PIK3R5: variants seen among roughly 807,000 people sequenced by gnomAD.
The protein encoded by PIK3R5 is phosphoinositide 3-kinase regulatory subunit 5.
In PIK3R5, 32 loss-of-function variants were observed where a neutral mutation model predicts 94.9. That is an observed-to-expected ratio of 0.34 (90% CI 0.25 to 0.45). PIK3R5 has a LOEUF of 0.45. PIK3R5 is among the 20% of genes least tolerant of loss of function. The pLI is 1.00. For synonymous variants in PIK3R5, 443 were observed against 479.4 expected (o/e 0.92, Z 0.99); for missense variants, 853 against 1,144.6 (o/e 0.75, Z 3.68).
chr17:8,910,012 C>T (rs1188791136), intron 2 of PIK3R5, among the ~76,000 whole-genome samples: 1 of 152,222 alleles, frequency 6.6e-6, no homozygotes, highest in Non-Finnish European at 1.5e-5. Flanking sequence ...TAAAAGCTGC[C>T]ATGAGCACTT....
chr17:8,893,803 C>T lies in PIK3R5; in HGVS notation c.413-148G>A, dbSNP rs2090084203. The T allele has an allele frequency of 1.6e-6, 1 of 624,198 alleles. No homozygotes were observed. Among genetic ancestry groups the T allele is most frequent in the African/African-American group, 1.8e-5 (1 of 54,958 alleles). The allele number at this position is 624,198 out of a possible 1,614,324, so 38.7% of individuals were successfully genotyped here. On this transcript the variant is annotated intron_variant, in intron 5 of 18. Coordinates refer to ENST00000447110, the MANE Select transcript of PIK3R5 (RefSeq NM_001142633.3). This position sits in a 1 kb window ranked among gnomAD's most constrained non-coding sequence, Gnocchi z 5.1. ...CCTGCAGAGAAGCTGTTCTGTGGAC[C>T]CTCCAGGGTGCCTAGCAGTTTGCTT... is the stretch of plus-strand genomic sequence containing the variant.
intron 1 of PIK3R5, among the ~76,000 whole-genome samples, chr17:8,957,977 C>A (rs770161122): frequency 6.6e-6 from 1 of 152,158 alleles, no homozygotes; most frequent in Non-Finnish European, 1.5e-5. Context: ...AACGGCAGCA[C>A]AGAAAAGGAA....
Position 8,893,077 on chromosome 17 carries a change from T to TACCA in PIK3R5, c.482+508_482+509insTGGT. ...GTGTGTGTGTGTGTGTGTGTGTGTGTGTGTGTGTTTGTGTATCAGGCTGTC... is the reference window on the plus strand; with the variant it reads ...GTGTGTGTGTGTGTGTGTGTGTGTGTACCAGTGTGTGTTTGTGTATCAGGCTGTC... On this transcript the variant is annotated intron_variant, in intron 6 of 18. Coordinates refer to ENST00000447110, the MANE Select transcript of PIK3R5 (RefSeq NM_001142633.3). The surrounding 1 kb of genome is among the most constrained non-coding windows in gnomAD (Gnocchi z 5.1). Among the ~76,000 whole-genome samples, 1 of 107,990 alleles carries TACCA rather than the reference T, an allele frequency of 9.3e-6. No individual in the cohort carries two copies. Among genetic ancestry groups the TACCA allele is most frequent in the African/African-American group, 4.5e-5 (1 of 22,066 alleles). The allele number at this position is 107,990 out of a possible 152,430, so 70.8% of individuals were successfully genotyped here.
rs2089625318 is a variant in PIK3R5 at position 8,880,434 on chromosome 17, C to T, written c.*205G>A. On this transcript the variant is annotated 3_prime_UTR_variant, in exon 19 of 19. Transcript: ENST00000447110. ...GAATCTAAGAGGCTATGGGGTCTGG[C>T]CCTTCTCTCTCTGATAGCTGTTGCT... 1 of 510,688 alleles carries T rather than the reference C, an allele frequency of 2.0e-6. No homozygotes were observed. The highest frequency in any genetic ancestry group is 3.4e-6 in the Non-Finnish European group (1 of 291,840). 31.6% of individuals were successfully genotyped at this position (510,688 alleles called of 1,614,324 possible).
intron 5 of PIK3R5, among the ~76,000 whole-genome samples, chr17:8,899,775 C>T (rs1264878367): frequency 1.3e-5 from 2 of 152,174 alleles, no homozygotes; most frequent in Non-Finnish European, 2.9e-5. Context: ...CGCGGTGGCT[C>T]ATGCTTGTAA....
Position 8,904,685 on chromosome 17 carries a change from G to T in PIK3R5, c.412+92C>A. On this transcript the variant is annotated intron_variant, in intron 5 of 18. Coordinates refer to ENST00000447110, the MANE Select transcript of PIK3R5 (RefSeq NM_001142633.3). The surrounding 1 kb of genome is among the most constrained non-coding windows in gnomAD (Gnocchi z 5.1). ...GCAGAGATGAATCAAAGGATGCAAG[G>T]TAAGGAGGGTCACAAAAAACAGTTT... 7.7e-7 allele frequency: 1 copy of T among 1,301,436 alleles called. No homozygotes were observed. Among genetic ancestry groups the T allele is most frequent in the Non-Finnish European group, 1.1e-6 (1 of 917,548 alleles). 80.6% of individuals were successfully genotyped at this position (1,301,436 alleles called of 1,614,324 possible).
chr17:8,886,573 C>T lies in PIK3R5; in HGVS notation c.1938G>A (p.Glu646=), dbSNP rs758466257. Residue 646 remains glutamate, a synonymous_variant, in exon 13 of 19, where the codon GAG becomes GAA. Transcript: ENST00000447110. ...GGATGGGCAGCTGGGTTGGGGAGCCCTCCAGGGCCTGGGCTTCAGCCTTCA... is the reference window on the plus strand; with the variant it reads ...GGATGGGCAGCTGGGTTGGGGAGCCTTCCAGGGCCTGGGCTTCAGCCTTCA... The part of the protein sequence containing the change: ...QSLKAEAQAL[E]GSPTQLPILA... 1 of 1,609,150 alleles carries T rather than the reference C, an allele frequency of 6.2e-7. No individual in the cohort carries two copies. The highest frequency in any genetic ancestry group is 8.5e-7 in the Non-Finnish European group (1 of 1,177,784).
chr17:8,927,949 CT>C (rs1159580265), intron 1 of PIK3R5, among the ~76,000 whole-genome samples: 2 of 152,204 alleles, frequency 1.3e-5, no homozygotes, highest in Non-Finnish European at 2.9e-5. Context: ...ACACCAGCTC[CT>C]TTTAACCTTC....
At chr17:8,898,435 G>T (rs1009100897) in intron 5 of PIK3R5, among the ~76,000 whole-genome samples, 4 of 152,260 alleles carry the variant, frequency 2.6e-5, no homozygotes, top group African/African-American at 9.6e-5. Context: ...CCATCTGTCA[G>T]TGCCTCTTGG....
chr17:8,965,143 G>A (rs960389553), intron 1 of PIK3R5, among the ~76,000 whole-genome samples: 3 of 152,246 alleles, frequency 2.0e-5, no homozygotes, highest in African/African-American at 7.2e-5. Context: ...CTAGCAGGCT[G>A]AGTGAGGCTC....
At position 8,889,553 on chromosome 17, in the gene PIK3R5, T is replaced by C. The variant is rs2089971234; in HGVS notation, c.812-331A>G. Among the ~76,000 whole-genome samples, 1 of 152,162 alleles carries C rather than the reference T, an allele frequency of 6.6e-6. No homozygotes were observed. Among genetic ancestry groups the C allele is most frequent in the Non-Finnish European group, 1.5e-5 (1 of 68,022 alleles). On this transcript the variant is annotated intron_variant, in intron 8 of 18. Coordinates refer to ENST00000447110, the MANE Select transcript of PIK3R5 (RefSeq NM_001142633.3). This position sits in a 1 kb window ranked among gnomAD's most constrained non-coding sequence, Gnocchi z 4.1. ...TTATGAGGAATATTGTAACAGGGAA[T>C]GCTAATGGTTCCTCAAAGTCTGTGC...
Position 8,889,327 on chromosome 17 carries a change from C to T in PIK3R5, c.812-105G>A, listed in dbSNP as rs779389925. 60 of 806,786 alleles carry T rather than the reference C, an allele frequency of 7.4e-5. No homozygotes were observed. Among genetic ancestry groups the T allele is most frequent in the Non-Finnish European group, 1.2e-4 (58 of 503,118 alleles). 50.0% of individuals were successfully genotyped at this position (806,786 alleles called of 1,614,324 possible). ...GAAGAGACCAGAGATGGGACAGGAT[C>T]GGCACAAGGATATGTAGCTGGATAG... On this transcript the variant is annotated intron_variant, in intron 8 of 18. Coordinates refer to ENST00000447110, the MANE Select transcript of PIK3R5 (RefSeq NM_001142633.3). This position sits in a 1 kb window ranked among gnomAD's most constrained non-coding sequence, Gnocchi z 4.1.
chr17:8,963,775 A>G (rs2091609220), intron 1 of PIK3R5, among the ~76,000 whole-genome samples: 1 of 152,024 alleles, frequency 6.6e-6, no homozygotes, highest in African/African-American at 2.4e-5. Flanking sequence ...CTGAGGAGGG[A>G]AGATAATGAA....
chr17:8,895,163 C>G (rs1404697429), intron 5 of PIK3R5, among the ~76,000 whole-genome samples: 2 of 152,200 alleles, frequency 1.3e-5, no homozygotes, highest in Non-Finnish European at 2.9e-5. Flanking sequence ...GAGATCCTCA[C>G]CCGCTCTCCA....
chr17:8,917,103 C>A (rs1047455676), intron 1 of PIK3R5, among the ~76,000 whole-genome samples: 2 of 152,110 alleles, frequency 1.3e-5, no homozygotes, highest in African/African-American at 4.8e-5. Context: ...CCACCGTGAC[C>A]TAAGTAAAAG....
At chr17:8,905,804 C>A in intron 3 of PIK3R5, 67 bp from the exon 4 acceptor site, 3 of 940,466 alleles carry the variant, frequency 3.2e-6, no homozygotes, top group Non-Finnish European at 4.8e-6. Context: ...AGGCAGAATA[C>A]AGTGGTTCTT....
intron 1 of PIK3R5, among the ~76,000 whole-genome samples, chr17:8,932,832 A>G (rs1475561166): frequency 3.3e-5 from 5 of 152,188 alleles, no homozygotes; most frequent in Admixed American, 3.3e-4. Flanking sequence ...ATTTTAAGAA[A>G]TAATGGCCAA....
chr17:8,937,514 G>A (rs1441939112), intron 1 of PIK3R5, among the ~76,000 whole-genome samples: 1 of 152,162 alleles, frequency 6.6e-6, no homozygotes. Flanking sequence ...TCTTCAGCCT[G>A]TTGATGTAAT....
chr17:8,921,686 T>A (rs1049732438), intron 1 of PIK3R5, among the ~76,000 whole-genome samples: 16 of 152,122 alleles, frequency 1.1e-4, no homozygotes, highest in African/African-American at 3.9e-4. Flanking sequence ...AATATTTTTA[T>A]AAAGAAAATG....
Sources: gnomAD v4.1 joint callset for allele counts (sites outside exome capture counted in the v4.1 genomes callset) on GRCh38, gnomAD v4.1.1 for gene constraint, Gnocchi (gnomAD v3.1) non-coding constraint, MANE v1.5 for transcripts, NCBI Gene and HGNC (gene_info 2026-07-23, HGNC 2026-07-21) for gene names.